Variants in ARHGAP27 observed in about 807,000 individuals in gnomAD.
The protein encoded by ARHGAP27 is Rho GTPase activating protein 27.
A neutral mutation model predicts 102.0 loss-of-function variants in ARHGAP27; 53 were observed. That is an observed-to-expected ratio of 0.52 (90% confidence interval 0.42 to 0.65). ARHGAP27 has a LOEUF of 0.65. Among genes scored for constraint, ARHGAP27 ranks in the 30% least tolerant of loss-of-function variants. ARHGAP27 has a pLI of 0.00. For synonymous variants in ARHGAP27, 525 were observed against 542.8 expected, an observed-to-expected ratio of 0.97 and a Z score of 0.46; for missense variants, 1,117 against 1,256.2, an observed-to-expected ratio of 0.89 and a Z score of 1.68.
At chr17:45,403,942 A>T in intron 10 of ARHGAP27, 87 bp downstream of exon 10, 1 of 1,440,018 alleles carries the variant, frequency 6.9e-7, no homozygotes, top group Non-Finnish European at 9.6e-7. Context: ...TGTGAGGATT[A>T]ATAAGAGCCT....
chr17:45,425,013 G>A (rs972086191), intron 4 of ARHGAP27, among the ~76,000 whole-genome samples: 1 of 151,330 alleles, frequency 6.6e-6, no homozygotes, highest in South Asian at 2.1e-4. Context: ...AGAGCCAGGG[G>A]GTGCGGGGGG....
Position 45,405,654 on chromosome 17 carries a change from C to T in ARHGAP27, c.1065+22G>A, listed in dbSNP as rs200030314. ...CAGAGGCGCTCAGAGGTAGAACCGC[C>T]CACTCTGGCCCTGCCCCTCACCCGC... On this transcript the variant is annotated intron_variant, in intron 5 of 19. Transcript: ENST00000685559. 1,517 of 1,561,222 alleles carry T rather than the reference C, an allele frequency of 9.7e-4. 1 individual carries two copies. The highest frequency in any genetic ancestry group is 1.2e-3 in the Non-Finnish European group (1,435 of 1,157,746).
chr17:45,426,832 A>G (rs2049656905), intron 4 of ARHGAP27, among the ~76,000 whole-genome samples: 1 of 152,168 alleles, frequency 6.6e-6, no homozygotes, highest in African/African-American at 2.4e-5. Flanking sequence ...TGCCTTCAGC[A>G]GCCCCCTGAC....
At chr17:45,407,519 C>CTTTTTTTTTTTTTTTT (rs3973543) in intron 4 of ARHGAP27, 1 of 143,028 alleles carries the variant, frequency 7.0e-6, no homozygotes, top group Non-Finnish European at 1.5e-5. Flanking sequence ...TCTTTTTTTT[C>CTTTTTTTTTTTTTTTT]TTTTTTTTTT....
At chr17:45,414,826 G>GA (rs61285147) in intron 4 of ARHGAP27, among the ~76,000 whole-genome samples, 2 of 68 alleles carry the variant, frequency 0.029, no homozygotes, top group Non-Finnish European at 0.071. Context: ...TGGAGGCTGA[G>GA]CAGGTGGATC....
intron 4 of ARHGAP27, chr17:45,408,113 CA>C (rs1335962546): frequency 7.0e-6 from 1 of 143,054 alleles, no homozygotes; most frequent in Non-Finnish European, 1.5e-5. Context: ...GAGCCTTAGG[CA>C]GATGCCAAAA....
intron 4 of ARHGAP27, among the ~76,000 whole-genome samples, chr17:45,417,123 T>C (rs539023672): frequency 6.7e-6 from 1 of 148,608 alleles, no homozygotes; most frequent in Non-Finnish European, 1.5e-5. Context: ...GCCATTGCAC[T>C]CCAGCCTAGG....
At position 45,429,849 on chromosome 17, in the gene ARHGAP27, T is replaced by C; in HGVS notation, c.431A>G (p.Tyr144Cys). The C allele has an allele frequency of 7.3e-7, 1 of 1,367,592 alleles. No individual in the cohort carries two copies. 84.7% of individuals were successfully genotyped at this position (1,367,592 alleles called of 1,614,324 possible). ...CCGCACGGGCGCCGCGGGCCGCAGG[T>C]ACAGGCAGGCTGGCAGGCCGGGCGC... ...SLAPGLPACL[Y>C]LRPAAPVRPA... is the part of the protein sequence containing the mutation. Residue 144 changes from tyrosine (Y) to cysteine (C), a missense_variant, in exon 4 of 20, where the codon TAC becomes TGC. This residue lies in a region of ARHGAP27 where 610 missense variants were observed against 716.4 expected (regional missense o/e 0.85). Transcript: ENST00000685559.
chr17:45,396,373 C>T lies in ARHGAP27; in HGVS notation c.2174-89G>A, dbSNP rs905632681. 5.4e-6 allele frequency: 8 copies of T among 1,473,628 alleles called. No homozygotes were observed. The African/African-American group carries it at 1.1e-4, about 21-fold the overall frequency. 91.3% of individuals were successfully genotyped at this position (1,473,628 alleles called of 1,614,324 possible). A position where few individuals can be genotyped will look rare whatever the true frequency, so the allele number is the denominator to read the frequency against. ...CTGCTATGACTCCCACTCGGGGCCT[C>T]CCGTACTTTCCCCCTGGACCCTGCG... On this transcript the variant is annotated intron_variant, in intron 16 of 19. Transcript: ENST00000685559.
At chr17:45,395,934 G>A (rs1268061316) in intron 18 of ARHGAP27, 49 bp downstream of exon 18, 4 of 1,559,382 alleles carry the variant, frequency 2.6e-6, no homozygotes, top group Non-Finnish European at 3.5e-6. Flanking sequence ...CTAAAGGGGT[G>A]CCCCGCCACG....
At chr17:45,413,566 C>G (rs913612147) in intron 4 of ARHGAP27, among the ~76,000 whole-genome samples, 48 of 152,192 alleles carry the variant, frequency 3.2e-4, no homozygotes, top group African/African-American at 1.1e-3. Flanking sequence ...GGTTCCCACA[C>G]CCATGGGGAT....
At chr17:45,413,976 T>C (rs2048179601) in intron 4 of ARHGAP27, among the ~76,000 whole-genome samples, 1 of 151,976 alleles carries the variant, frequency 6.6e-6, no homozygotes. Context: ...CGTGGTGGCG[T>C]GCGCCTGTAA....
At chr17:45,412,559 GGT>G (rs912755581) in intron 4 of ARHGAP27, among the ~76,000 whole-genome samples, 27 of 152,326 alleles carry the variant, frequency 1.8e-4, no homozygotes, top group Admixed American at 1.6e-3. Context: ...GAGGGGACAT[GGT>G]GTCCTTTGTT....
chr17:45,398,982 G>A (rs559405396), intron 12 of ARHGAP27, among the ~76,000 whole-genome samples: 7 of 152,042 alleles, frequency 4.6e-5, no homozygotes, highest in African/African-American at 1.7e-4. Context: ...CTGTTAGCCC[G>A]CTTCATCATG....
intron 4 of ARHGAP27, chr17:45,409,538 C>T (rs1287641294): frequency 6.6e-6 from 1 of 152,282 alleles, no homozygotes; most frequent in Non-Finnish European, 1.5e-5. Context: ...AGTGAGGGGC[C>T]CTCACTGGAG....
intron 4 of ARHGAP27, among the ~76,000 whole-genome samples, chr17:45,414,227 C>T (rs1383631868): frequency 2.6e-5 from 4 of 152,152 alleles, no homozygotes; most frequent in Non-Finnish European, 2.9e-5. Context: ...CCCTCCCCCT[C>T]AAACGTATCT....
intron 12 of ARHGAP27, among the ~76,000 whole-genome samples, chr17:45,402,021 C>T (rs928699477): frequency 6.6e-6 from 1 of 152,200 alleles, no homozygotes; most frequent in Non-Finnish European, 1.5e-5. Context: ...AAAAACAAGA[C>T]AACACATGGA....
intron 19 of ARHGAP27, 48 bp from the exon 20 acceptor site, chr17:45,395,681 G>A (rs763694605): frequency 2.5e-6 from 4 of 1,570,952 alleles, no homozygotes; most frequent in Non-Finnish European, 3.4e-6. Flanking sequence ...CGAACTGCGG[G>A]GAGGCGCTGG....
chr17:45,410,593 G>A (rs1250127521), intron 4 of ARHGAP27, among the ~76,000 whole-genome samples: 1 of 152,178 alleles, frequency 6.6e-6, no homozygotes, highest in Admixed American at 6.5e-5. Flanking sequence ...CATGGTGTGG[G>A]CTGCACAGAG....
Sources: allele counts gnomAD v4.1 joint callset (sites outside exome capture counted in the v4.1 genomes callset), GRCh38; gene constraint gnomAD v4.1.1; regional missense constraint gnomAD v4.1.1; transcripts MANE v1.5; gene names NCBI Gene and HGNC (gene_info 2026-07-23, HGNC 2026-07-21).